Variants in DHX30 observed in about 807,000 individuals in gnomAD.
DHX30 encodes DExH-box helicase 30.
Under a neutral mutation model 116.9 loss-of-function variants are expected in DHX30, and 4 were observed. The observed-to-expected ratio is 0.03, with a 90% CI of 0.02 to 0.08. The LOEUF (loss-of-function observed/expected upper bound fraction) is 0.08, where lower values mean the gene tolerates loss of function less well. Ranked by LOEUF, DHX30 falls within the 10% of genes least tolerant of loss-of-function variation. DHX30 has a pLI of 1.00. For missense variants in DHX30, 871 were observed against 1,595.1 expected (o/e 0.55, Z 7.73); for synonymous variants, 697 against 651.7 (o/e 1.07, Z -1.06).
intron 2 of DHX30, among the ~76,000 whole-genome samples, chr3:47,806,703 C>G (rs1270832175): frequency 6.6e-6 from 1 of 151,912 alleles, no homozygotes; most frequent in Non-Finnish European, 1.5e-5. Context: ...CTTCGGCCTC[C>G]CAAAGTGCTG....
Position 47,846,698 on chromosome 3 carries a change from T to C in DHX30, c.1626T>C (p.Arg542=). The change falls in exon 11 of 22, where the codon CGT becomes CGC. Residue 542 remains arginine, a synonymous_variant. Coordinates refer to ENST00000445061, the MANE Select transcript of DHX30 (RefSeq NM_138615.3). ...TCTGCACTGTGGGTATCCTGCTGCG[T>C]AAGCTGCAGAGCAACCCCAGCCTGG... ...LLFCTVGILL[R]KLQSNPSLEG... 6.2e-7 allele frequency: 1 copy of C among 1,614,072 alleles called. No individual in the cohort carries two copies. Among genetic ancestry groups the C allele is most frequent in the Non-Finnish European group, 8.5e-7 (1 of 1,180,028 alleles).
chr3:47,818,940 G>C (rs1248363677), intron 4 of DHX30, among the ~76,000 whole-genome samples: 1 of 152,190 alleles, frequency 6.6e-6, no homozygotes, highest in Non-Finnish European at 1.5e-5. Flanking sequence ...TCTAGAGACA[G>C]CATGTCTACT....
Position 47,834,420 on chromosome 3 carries a change from T to G in DHX30, c.366+5286T>G, listed in dbSNP as rs748239347. On this transcript the variant is annotated intron_variant, in intron 6 of 21. Coordinates refer to ENST00000445061, the MANE Select transcript of DHX30 (RefSeq NM_138615.3). Reference sequence around the variant, plus strand: ...CTCCTGGCCCATGTGGTATTTTCTTTGTGTCTGGTTTACTTAGCATAATGT... The same window carrying G: ...CTCCTGGCCCATGTGGTATTTTCTTGGTGTCTGGTTTACTTAGCATAATGT... 2.0e-4 allele frequency among the ~76,000 whole-genome samples: 30 copies of G among 152,056 alleles called. 1 individual carries two copies. The highest frequency in any genetic ancestry group is 3.4e-4 in the Non-Finnish European group (23 of 67,990).
intron 6 of DHX30, among the ~76,000 whole-genome samples, chr3:47,829,614 G>A (rs1219591869): frequency 6.6e-6 from 1 of 151,858 alleles, no homozygotes; most frequent in East Asian, 1.9e-4. Flanking sequence ...AAAGTGTTGG[G>A]ATTACAGGCG....
intron 3 of DHX30, chr3:47,816,991 C>T (rs961639628): frequency 2.0e-6 from 2 of 981,404 alleles, no homozygotes; most frequent in Non-Finnish European, 1.2e-6. Flanking sequence ...TTTTCAGCTC[C>T]TTTGCTTTCA....
intron 4 of DHX30, among the ~76,000 whole-genome samples, chr3:47,820,455 AT>A (rs963969673): frequency 1.3e-5 from 2 of 152,094 alleles, no homozygotes; most frequent in African/African-American, 4.8e-5. Flanking sequence ...CTTTCTTGCC[AT>A]TTTGACCACG....
At chr3:47,819,022 G>A (rs1264788628) in intron 4 of DHX30, among the ~76,000 whole-genome samples, 1 of 152,132 alleles carries the variant, frequency 6.6e-6, no homozygotes, top group African/African-American at 2.4e-5. Flanking sequence ...GAGCACCTCA[G>A]TTTCTGCAGC....
chr3:47,811,570 C>G (rs1273763532), intron 3 of DHX30, among the ~76,000 whole-genome samples: 1 of 152,080 alleles, frequency 6.6e-6, no homozygotes, highest in Non-Finnish European at 1.5e-5. Context: ...ATACCTGAGA[C>G]TGGGTAATTT....
rs1247016542 is a variant in DHX30, at chr3:47,849,068, G to A, written c.2918G>A (p.Arg973His). Residue 973 changes from arginine to histidine, a missense_variant, in exon 18 of 22, where the codon CGC becomes CAC. Coordinates refer to ENST00000445061, the MANE Select transcript of DHX30 (RefSeq NM_138615.3). ...EENLLYAPSL[R>H]FIHGLIKQFS... Reference sequence around the variant, plus strand: ...AACCTGCTGTACGCACCCAGCCTGCGCTTCATCCACGGTCAGTCGGGCCCA... The same window carrying A: ...AACCTGCTGTACGCACCCAGCCTGCACTTCATCCACGGTCAGTCGGGCCCA... The A allele has an allele frequency of 1.9e-6, 3 of 1,610,006 alleles. No individual in the cohort carries two copies. Among genetic ancestry groups the A allele is most frequent in the African/African-American group, 1.3e-5 (1 of 74,850 alleles).
intron 3 of DHX30, among the ~76,000 whole-genome samples, chr3:47,812,063 C>CA (rs370479642): frequency 0.97 from 86,038 of 89,076 alleles, 41,715 homozygotes; most frequent in East Asian, 0.99. Flanking sequence ...GACTCAGTCT[C>CA]AAAAAAAAAA....
At chr3:47,841,963 C>T (rs745780639) in intron 8 of DHX30, 1 of 583,090 alleles carries the variant, frequency 1.7e-6, no homozygotes. Context: ...AGCAGAAGAC[C>T]CATACCTCTT....
At chr3:47,810,127 C>T (rs1166628134) in intron 2 of DHX30, among the ~76,000 whole-genome samples, 1 of 152,184 alleles carries the variant, frequency 6.6e-6, no homozygotes, top group African/African-American at 2.4e-5. Flanking sequence ...TTGATCCTGT[C>T]AGTCAAATCT....
chr3:47,816,184 CTATAATAT>C, intron 3 of DHX30: 1 of 977,608 alleles, frequency 1.0e-6, no homozygotes, highest in Non-Finnish European at 1.2e-6. Flanking sequence ...AATCACACAT[CTATAATAT>C]TATAAGAGAG....
intron 6 of DHX30, among the ~76,000 whole-genome samples, chr3:47,836,217 C>T (rs895301568): frequency 1.3e-5 from 2 of 151,834 alleles, no homozygotes; most frequent in Non-Finnish European, 2.9e-5. Context: ...CCTCTGTCTG[C>T]CTCCTGGATT....
At chr3:47,806,591 G>A (rs946479680) in intron 2 of DHX30, among the ~76,000 whole-genome samples, 7 of 151,764 alleles carry the variant, frequency 4.6e-5, no homozygotes, top group South Asian at 2.1e-4. Flanking sequence ...GACTACAGGC[G>A]TGCACCACCA....
At chr3:47,841,824 A>AG in intron 8 of DHX30, 87 bp downstream of exon 8, 2 of 1,585,586 alleles carry the variant, frequency 1.3e-6, no homozygotes, top group Non-Finnish European at 1.7e-6. Flanking sequence ...GAGAGGGCTG[A>AG]GGGGGTGTGT....
chr3:47,819,725 C>T (rs937639732), intron 4 of DHX30, among the ~76,000 whole-genome samples: 2 of 152,186 alleles, frequency 1.3e-5, no homozygotes, highest in African/African-American at 4.8e-5. Flanking sequence ...GATCACAGTA[C>T]TCAGCAGAAT....
Position 47,845,693 on chromosome 3 carries a change from C to T in DHX30, c.940-7C>T, listed in dbSNP as rs778458349. ...GCATAGACTGAGTCTTGCATGTCCC[C>T]CTGCAGAGCCTGGGCCTGGTGGACA... is the stretch of plus-strand genomic sequence containing the variant. On this transcript the variant is annotated splice_region_variant and splice_polypyrimidine_tract_variant and intron_variant, in intron 9 of 21. Coordinates refer to ENST00000445061, the MANE Select transcript of DHX30 (RefSeq NM_138615.3). The T allele has an allele frequency of 3.2e-5, 51 of 1,586,240 alleles. No homozygotes were observed. The highest frequency in any genetic ancestry group is 4.1e-5 in the Non-Finnish European group (48 of 1,158,958).
chr3:47,824,692 A>T (rs2036462364), intron 4 of DHX30: 5 of 206,266 alleles, frequency 2.4e-5, no homozygotes, highest in Non-Finnish European at 3.8e-5. Context: ...AACAATTGGT[A>T]GGACCTAGAG....
Sources: gnomAD v4.1 joint callset for allele counts (sites outside exome capture counted in the v4.1 genomes callset) on GRCh38, gnomAD v4.1.1 for gene constraint, MANE v1.5 for transcripts, NCBI Gene and HGNC (gene_info 2026-07-23, HGNC 2026-07-21) for gene names.